ASH1L: variants seen among roughly 807,000 people sequenced by gnomAD.
The protein encoded by ASH1L is histone-lysine N-methyltransferase ASH1L.
A neutral mutation model predicts 269.0 loss-of-function variants in ASH1L; 23 were observed. That is an observed-to-expected ratio of 0.09 (90% confidence interval 0.06 to 0.12). The LOEUF (loss-of-function observed/expected upper bound fraction) is 0.12, where lower values mean the gene tolerates loss of function less well. Ranked by LOEUF, ASH1L falls within the 10% of genes least tolerant of loss-of-function variation. The pLI, the probability that ASH1L is intolerant of heterozygous loss-of-function variation, is 1.00. For synonymous variants in ASH1L, 1,187 were observed against 1,253.5 expected (o/e 0.95, Z 1.12); for missense variants, 2,912 against 3,567.8 (o/e 0.82, Z 4.68).
intron 6 of ASH1L, among the ~76,000 whole-genome samples, chr1:155,398,595 T>A (rs969378715): frequency 2.6e-5 from 4 of 152,014 alleles, no homozygotes; most frequent in African/African-American, 9.7e-5. Flanking sequence ...AGTCAGTGAG[T>A]GTGTGGTGAA....
intron 5 of ASH1L, among the ~76,000 whole-genome samples, chr1:155,426,994 T>C (rs1429518057): frequency 2.6e-5 from 4 of 152,182 alleles, no homozygotes; most frequent in African/African-American, 9.7e-5. Flanking sequence ...CCCAGCAAGC[T>C]TCCATATATG....
intron 4 of ASH1L, among the ~76,000 whole-genome samples, chr1:155,451,749 T>C (rs1005118148): frequency 6.7e-6 from 1 of 150,050 alleles, no homozygotes; most frequent in South Asian, 2.1e-4. Flanking sequence ...AAATGGGGAG[T>C]CTAGCTCCAT....
Position 155,337,767 on chromosome 1 carries a change from AG to A in ASH1L, c.8804-17del, listed in dbSNP as rs1652433268. 1 of 1,610,146 alleles carries A rather than the reference AG, an allele frequency of 6.2e-7. No homozygotes were observed. The highest frequency in any genetic ancestry group is 8.5e-7 in the Non-Finnish European group (1 of 1,176,566). On this transcript the variant is annotated splice_polypyrimidine_tract_variant and intron_variant, in intron 27 of 27. Coordinates refer to ENST00000392403, the MANE Select transcript of ASH1L (RefSeq NM_018489.3). ...ACATCAATGGCTGAAAACAGAACCAAGGAGGCTCATCAAAATACCAATCTCC... is the reference window on the plus strand; with the variant it reads ...ACATCAATGGCTGAAAACAGAACCAAGAGGCTCATCAAAATACCAATCTCC...
intron 3 of ASH1L, among the ~76,000 whole-genome samples, chr1:155,470,082 A>G (rs1458449422): frequency 2.6e-5 from 4 of 152,144 alleles, no homozygotes; most frequent in Admixed American, 6.6e-5. Flanking sequence ...GCTAAATTCA[A>G]AACTCCCTCC....
chr1:155,442,282 T>A (rs111286993), intron 4 of ASH1L, among the ~76,000 whole-genome samples: 25 of 151,498 alleles, frequency 1.7e-4, no homozygotes, highest in African/African-American at 6.0e-4. Context: ...GCAGCCTGAG[T>A]GATCTTTAAA....
rs374979780 is a variant in ASH1L, at chr1:155,433,674, C to G, written c.5828+4653G>C. 32 of 1,600,784 alleles carry G rather than the reference C, an allele frequency of 2.0e-5. No homozygotes were observed. In the East Asian group the frequency reaches 2.2e-4, roughly 11 times the overall value. On this transcript the variant is annotated intron_variant, in intron 5 of 27. Coordinates refer to ENST00000392403, the MANE Select transcript of ASH1L (RefSeq NM_018489.3). ...AGGATCACCCTGGGATATACACAGG[C>G]CGATGTGGGGCTCACCCTGGGGGTT...
chr1:155,554,341 C>T (rs1671432092), intron 1 of ASH1L, among the ~76,000 whole-genome samples: 1 of 151,954 alleles, frequency 6.6e-6, no homozygotes, highest in Non-Finnish European at 1.5e-5. Context: ...GGCACAATCT[C>T]GGCTCACTGC....
chr1:155,377,216 T>C (rs1023772476), intron 10 of ASH1L, among the ~76,000 whole-genome samples: 1 of 152,182 alleles, frequency 6.6e-6, no homozygotes, highest in African/African-American at 2.4e-5. Context: ...AAATTCATAA[T>C]TCTTATCTCC....
chr1:155,552,189 G>A (rs962439370), intron 1 of ASH1L, among the ~76,000 whole-genome samples: 4 of 151,792 alleles, frequency 2.6e-5, no homozygotes, highest in South Asian at 2.1e-4. Flanking sequence ...TATGAAGGCC[G>A]GGCACAGTGG....
At chr1:155,379,116 C>T (rs1166485217) in intron 8 of ASH1L, among the ~76,000 whole-genome samples, 2 of 151,720 alleles carry the variant, frequency 1.3e-5, no homozygotes, top group Non-Finnish European at 2.9e-5. Flanking sequence ...AAAAAGAATG[C>T]ATTAGAAGAG....
chr1:155,549,750 T>G (rs749172199), intron 1 of ASH1L, among the ~76,000 whole-genome samples: 6 of 152,068 alleles, frequency 3.9e-5, no homozygotes, highest in African/African-American at 7.2e-5. Flanking sequence ...GGAACCAATC[T>G]CTCACAGATA....
At chr1:155,374,110 C>T (rs1287493965) in intron 10 of ASH1L, among the ~76,000 whole-genome samples, 12 of 152,102 alleles carry the variant, frequency 7.9e-5, no homozygotes, top group Non-Finnish European at 1.3e-4. Flanking sequence ...GGGAGGATCA[C>T]GTGAGGTCAG....
chr1:155,381,232 ATTAT>A (rs1369428258), intron 7 of ASH1L, among the ~76,000 whole-genome samples: 1 of 152,118 alleles, frequency 6.6e-6, no homozygotes, highest in Non-Finnish European at 1.5e-5. Flanking sequence ...ACTTTTCATC[ATTAT>A]TTTAGAGTAT....
intron 2 of ASH1L, among the ~76,000 whole-genome samples, chr1:155,493,844 A>C (rs1285963145): frequency 6.6e-6 from 1 of 152,194 alleles, no homozygotes; most frequent in African/African-American, 2.4e-5. Context: ...ACTGCACTCC[A>C]GCCTGGGGGA....
chr1:155,473,961 G>A (rs144166086), intron 3 of ASH1L, among the ~76,000 whole-genome samples: 7 of 152,106 alleles, frequency 4.6e-5, no homozygotes, highest in African/African-American at 1.2e-4. Flanking sequence ...TCAGCCTCCC[G>A]AGTAGCTGAG....
intron 2 of ASH1L, among the ~76,000 whole-genome samples, chr1:155,506,067 C>G (rs976343186): frequency 1.9e-4 from 29 of 152,132 alleles, no homozygotes; most frequent in Non-Finnish European, 3.1e-4. Flanking sequence ...CAATTCCCAC[C>G]TATGAGTGAG....
chr1:155,510,733 G>A (rs1668109840), intron 2 of ASH1L, among the ~76,000 whole-genome samples: 1 of 152,010 alleles, frequency 6.6e-6, no homozygotes, highest in Non-Finnish European at 1.5e-5. Context: ...GATTCTCCAA[G>A]CGAAGATGAA....
upstream of ASH1L, chr1:155,563,121 TCCTC>T: frequency 2.2e-6 from 1 of 456,830 alleles, no homozygotes; most frequent in South Asian, 1.5e-5. Context: ...CCTCTGCTCC[TCCTC>T]CTCCGCCGGA....
intron 12 of ASH1L, among the ~76,000 whole-genome samples, chr1:155,368,784 C>A (rs1291183558): frequency 6.6e-6 from 1 of 152,196 alleles, no homozygotes; most frequent in Non-Finnish European, 1.5e-5. Flanking sequence ...TTGTTCATTT[C>A]ATCTAACTTT....
Sources: gnomAD v4.1 joint callset for allele counts (sites outside exome capture counted in the v4.1 genomes callset) on GRCh38, gnomAD v4.1.1 for gene constraint, MANE v1.5 for transcripts, NCBI Gene and HGNC (gene_info 2026-07-23, HGNC 2026-07-21) for gene names.